The following TSPEAR variants were observed in gnomAD, a reference collection of about 807,000 sequenced individuals.
TSPEAR encodes the protein thrombospondin-type laminin G domain and EAR repeat-containing protein.
A neutral mutation model predicts 71.6 loss-of-function variants in TSPEAR; 69 were observed. The observed-to-expected ratio is 0.96, with a 90% confidence interval of 0.79 to 1.18. The LOEUF is 1.18. Ranked by LOEUF, TSPEAR falls within the 50% of genes most tolerant of loss-of-function variation. The probability of loss-of-function intolerance (pLI) is 0.00; values close to 1 mark genes in which losing one functional copy is unlikely to be tolerated. For missense variants in TSPEAR, 971 were observed against 894.9 expected, an observed-to-expected ratio of 1.09 and a Z score of -1.09; for synonymous variants, 402 against 387.2, an observed-to-expected ratio of 1.04 and a Z score of -0.45.
At chr21:44,596,210 T>C (rs2146135937) in intron 1 of TSPEAR, among the ~76,000 whole-genome samples, 1 of 152,368 alleles carries the variant, frequency 6.6e-6, no homozygotes, top group South Asian at 2.1e-4. Context: ...TCTCTTTCCA[T>C]GCGGCCTCAA....
At chr21:44,515,062 C>CT (rs781957492) in intron 9 of TSPEAR, among the ~76,000 whole-genome samples, 22 of 152,202 alleles carry the variant, frequency 1.4e-4, no homozygotes, top group Non-Finnish European at 2.6e-4. Context: ...GAAAGGGCGC[C>CT]TCTCTATGGC....
intron 9 of TSPEAR, chr21:44,518,337 G>A (rs2052650138): frequency 2.2e-6 from 1 of 464,360 alleles, no homozygotes; most frequent in Non-Finnish European, 4.4e-6. Context: ...GGCCAGGTAC[G>A]CTCTGGGGCA....
At chr21:44,628,838 G>A (rs1314597528) in intron 1 of TSPEAR, among the ~76,000 whole-genome samples, 1 of 152,280 alleles carries the variant, frequency 6.6e-6, no homozygotes, top group South Asian at 2.1e-4. Flanking sequence ...GACACTCACA[G>A]ACGCTCAGGG....
chr21:44,638,241 T>C (rs2146222627), intron 1 of TSPEAR: 6 of 1,545,824 alleles, frequency 3.9e-6, no homozygotes, highest in Non-Finnish European at 5.2e-6. Context: ...CAGCAAGCTC[T>C]GCCCTCTCTG....
At chr21:44,675,410 A>G (rs1044092439) in intron 1 of TSPEAR, among the ~76,000 whole-genome samples, 7 of 152,238 alleles carry the variant, frequency 4.6e-5, no homozygotes, top group African/African-American at 1.7e-4. Context: ...AACCATGTAC[A>G]GAAGAAACAT....
intron 1 of TSPEAR, among the ~76,000 whole-genome samples, chr21:44,662,979 A>G (rs973315778): frequency 4.6e-5 from 7 of 152,200 alleles, no homozygotes; most frequent in African/African-American, 1.4e-4. Context: ...TTAGAGGGAT[A>G]AAATTATATC....
chr21:44,512,901 A>G (rs909681373), intron 9 of TSPEAR, among the ~76,000 whole-genome samples: 1 of 152,142 alleles, frequency 6.6e-6, no homozygotes, highest in African/African-American at 2.4e-5. Flanking sequence ...AGGGCCAGAC[A>G]GGCCTGGGGG....
chr21:44,646,402 A>ACACT, intron 1 of TSPEAR: 1 of 1,545,134 alleles, frequency 6.5e-7, no homozygotes, highest in East Asian at 2.3e-5. Flanking sequence ...ACTCACTCAC[A>ACACT]CACACACTCA....
At chr21:44,638,582 C>T (rs400941) in intron 1 of TSPEAR, 44 of 248,826 alleles carry the variant, frequency 1.8e-4, no homozygotes, top group Admixed American at 3.6e-4. Context: ...TGTCGACCTT[C>T]CATCCTGTCT....
chr21:44,539,918 G>C (rs782185351), intron 2 of TSPEAR: 11 of 1,613,482 alleles, frequency 6.8e-6, no homozygotes, highest in Non-Finnish European at 9.3e-6. Context: ...CTGGCAGCAC[G>C]AGGGCGTGCA....
Position 44,682,934 on chromosome 21 carries a change from C to T in TSPEAR, c.82+28499G>A, listed in dbSNP as rs573270327. ...CACACTGTGGAAGCTGACTGTGAATCTGTGGAACGGGGCAGGGCTGTGCAT... is the reference window on the plus strand; with the variant it reads ...CACACTGTGGAAGCTGACTGTGAATTTGTGGAACGGGGCAGGGCTGTGCAT... On this transcript the variant is annotated intron_variant, in intron 1 of 11. Transcript: ENST00000323084. 2.0e-5 allele frequency among the ~76,000 whole-genome samples: 3 copies of T among 152,266 alleles called. No homozygotes were observed. In the East Asian group the frequency reaches 5.8e-4, roughly 29 times the overall value.
In TSPEAR at chr21:44,520,193, CCGACCAGTCAT is replaced by C. The variant is rs1555914059; in HGVS notation, c.1566+1679_1566+1689del. The C allele has an allele frequency of 2.0e-5, 3 of 152,300 alleles. No homozygotes were observed. Among genetic ancestry groups the C allele is most frequent in the Non-Finnish European group, 4.4e-5 (3 of 68,118 alleles). 9.4% of individuals were successfully genotyped at this position (152,300 alleles called of 1,614,324 possible). ...CCAATGGCTCACTCCCTCCCAGCCA[CCGACCAGTCAT>C]TATCGTGCAGCCCTGTCAACCCCAC... On this transcript the variant is annotated intron_variant, in intron 9 of 11. Coordinates refer to ENST00000323084, the MANE Select transcript of TSPEAR (RefSeq NM_144991.3). The surrounding 1 kb of genome is among the most constrained non-coding windows in gnomAD (Gnocchi z 4.2).
intron 1 of TSPEAR, among the ~76,000 whole-genome samples, chr21:44,630,123 C>A (rs1256157717): frequency 2.0e-5 from 3 of 152,162 alleles, no homozygotes; most frequent in Non-Finnish European, 4.4e-5. Context: ...TGATGAGGGG[C>A]TTTCCAGTCA....
At chr21:44,535,576 T>C (rs1267982474) in intron 2 of TSPEAR, among the ~76,000 whole-genome samples, 1 of 152,190 alleles carries the variant, frequency 6.6e-6, no homozygotes, top group African/African-American at 2.4e-5. Context: ...GAAACACGAA[T>C]ACACTGTTTG....
At chr21:44,656,004 T>C (rs1190031110) in intron 1 of TSPEAR, among the ~76,000 whole-genome samples, 5 of 152,072 alleles carry the variant, frequency 3.3e-5, no homozygotes, top group African/African-American at 1.2e-4. Context: ...AACTTAGAAG[T>C]CTATGGACCC....
chr21:44,545,461 C>T (rs1021298180), intron 2 of TSPEAR, among the ~76,000 whole-genome samples: 1 of 152,142 alleles, frequency 6.6e-6, no homozygotes, highest in Non-Finnish European at 1.5e-5. Context: ...GACAACAACA[C>T]ACTCTTCTCA....
chr21:44,567,852 T>G lies in TSPEAR; in HGVS notation c.236A>C (p.Gln79Pro), dbSNP rs143595111. 292 of 1,609,706 alleles carry G rather than the reference T, an allele frequency of 1.8e-4. 3 individuals are homozygous for G. In the East Asian group the frequency reaches 6.3e-3, roughly 35 times the overall value. The change falls in exon 2 of 12, where the codon CAG (glutamine) becomes CCG (proline). Residue 79 changes from glutamine to proline, a missense_variant. Coordinates refer to ENST00000323084, the MANE Select transcript of TSPEAR (RefSeq NM_144991.3). Reference protein sequence around the residue: ...MSFPASRIFSQCDLFPEEFSI... With the variant: ...MSFPASRIFSPCDLFPEEFSI... ...AAATTCTTCAGGGAAGAGGTCACAC[T>G]GGGAGAAAATCCTGGATGCTGGGAA...
At chr21:44,678,868 A>G (rs1986447013) in intron 1 of TSPEAR, among the ~76,000 whole-genome samples, 2 of 152,252 alleles carry the variant, frequency 1.3e-5, no homozygotes, top group African/African-American at 4.8e-5. Flanking sequence ...AAGGCAATCC[A>G]TGAAGGCTAA....
At chr21:44,573,318 C>T (rs9974066) in intron 1 of TSPEAR, among the ~76,000 whole-genome samples, 5,790 of 150,754 alleles carry the variant, frequency 0.038, 343 homozygotes, top group African/African-American at 0.13. Context: ...CACACACACA[C>T]GGCAGAGCCA....
Sources: allele counts gnomAD v4.1 joint callset (sites outside exome capture counted in the v4.1 genomes callset), GRCh38; gene constraint gnomAD v4.1.1; non-coding constraint Gnocchi (gnomAD v3.1); transcripts MANE v1.5; gene names NCBI Gene and HGNC (gene_info 2026-07-23, HGNC 2026-07-21).